The following SLC2A13 variants were observed in gnomAD, a reference collection of about 807,000 sequenced individuals.
SLC2A13 encodes the protein solute carrier family 2 member 13.
A neutral mutation model predicts 64.4 loss-of-function variants in SLC2A13; 32 were observed. The ratio of observed to expected loss-of-function variants is 0.50; its 90% CI spans 0.37 to 0.67. SLC2A13 has a LOEUF of 0.67. Ranked by LOEUF, SLC2A13 falls within the 30% of genes least tolerant of loss-of-function variation. The pLI is 0.00. For synonymous variants in SLC2A13, 338 were observed against 327.1 expected (o/e 1.03, Z -0.36); for missense variants, 743 against 829.2 (o/e 0.90, Z 1.28).
At chr12:39,980,700 C>T (rs1227446449) in intron 3 of SLC2A13, among the ~76,000 whole-genome samples, 6 of 151,950 alleles carry the variant, frequency 3.9e-5, no homozygotes, top group Admixed American at 1.3e-4. Context: ...TACAAAGAGA[C>T]TTAGACTCCC....
At chr12:40,011,972 T>C (rs1947539450) in intron 3 of SLC2A13, among the ~76,000 whole-genome samples, 1 of 152,126 alleles carries the variant, frequency 6.6e-6, no homozygotes, top group African/African-American at 2.4e-5. Context: ...CACCTAGTGA[T>C]AGGCAGAGCA....
At chr12:39,882,178 C>T (rs1944355253) in intron 4 of SLC2A13, among the ~76,000 whole-genome samples, 1 of 152,106 alleles carries the variant, frequency 6.6e-6, no homozygotes, top group Non-Finnish European at 1.5e-5. Context: ...CTCTATATTT[C>T]CCAAACCAGA....
chr12:39,908,600 G>A (rs1945352710), intron 4 of SLC2A13, among the ~76,000 whole-genome samples: 1 of 151,906 alleles, frequency 6.6e-6, no homozygotes, highest in Non-Finnish European at 1.5e-5. Context: ...ATGTGGCTGA[G>A]GAGGATGAGG....
chr12:39,895,657 CAT>C lies in SLC2A13; in HGVS notation c.1035-23698_1035-23697del, dbSNP rs368022633. 4.8e-3 allele frequency among the ~76,000 whole-genome samples: 327 copies of C among 68,136 alleles called. 33 individuals carry two copies. Among genetic ancestry groups the C allele is most frequent in the African/African-American group, 0.016 (287 of 17,624 alleles). The allele number at this position is 68,136 out of a possible 152,430, so 44.7% of individuals were successfully genotyped here. On this transcript the variant is annotated intron_variant, in intron 4 of 9. Transcript: ENST00000280871. ...ATGTATATGCGTGTATACGTACACA[CAT>C]ATGTATATGCGTGTATACGTACACA...
chr12:39,879,935 T>A (rs1944298255), intron 4 of SLC2A13, among the ~76,000 whole-genome samples: 1 of 152,140 alleles, frequency 6.6e-6, no homozygotes, highest in African/African-American at 2.4e-5. Context: ...TGAGGCCTGG[T>A]GGGTGTGTTT....
At chr12:39,959,580 T>G (rs1056303178) in intron 3 of SLC2A13, among the ~76,000 whole-genome samples, 4 of 152,222 alleles carry the variant, frequency 2.6e-5, no homozygotes, top group African/African-American at 9.6e-5. Context: ...TCTGTTACTA[T>G]CAAGAATTCT....
chr12:39,902,819 G>A (rs1300278864), intron 4 of SLC2A13, among the ~76,000 whole-genome samples: 1 of 152,070 alleles, frequency 6.6e-6, no homozygotes, highest in Non-Finnish European at 1.5e-5. Context: ...AATGAGGTGA[G>A]TGGCATAGCA....
chr12:39,859,331 CTGA>C (rs1943694056), intron 6 of SLC2A13, among the ~76,000 whole-genome samples: 1 of 36,422 alleles, frequency 2.7e-5, no homozygotes, highest in African/African-American at 1.3e-4. Flanking sequence ...TTTTTTTTTT[CTGA>C]AAAAAAAAAA....
At chr12:39,772,601 G>A (rs1444030153) in intron 7 of SLC2A13, among the ~76,000 whole-genome samples, 1 of 151,578 alleles carries the variant, frequency 6.6e-6, no homozygotes, top group African/African-American at 2.4e-5. Context: ...AAATAGGAAA[G>A]GAAAGAAAAA....
At chr12:40,081,087 A>G (rs1199726997) in intron 1 of SLC2A13, among the ~76,000 whole-genome samples, 1 of 152,072 alleles carries the variant, frequency 6.6e-6, no homozygotes, top group African/African-American at 2.4e-5. Context: ...GCCTAATGAG[A>G]TTCTCTTTGT....
At chr12:40,076,950 G>A (rs1261724928) in intron 1 of SLC2A13, among the ~76,000 whole-genome samples, 1 of 151,978 alleles carries the variant, frequency 6.6e-6, no homozygotes, top group African/African-American at 2.4e-5. Context: ...TGTTGGCTGT[G>A]TGTGTCTTCT....
At chr12:39,784,148 C>T (rs1356033514) in intron 7 of SLC2A13, among the ~76,000 whole-genome samples, 4 of 152,122 alleles carry the variant, frequency 2.6e-5, no homozygotes, top group Non-Finnish European at 4.4e-5. Context: ...GGCTATACTG[C>T]CCAAGGTAAT....
chr12:39,994,922 G>C (rs1450584643), intron 3 of SLC2A13, among the ~76,000 whole-genome samples: 3 of 152,160 alleles, frequency 2.0e-5, no homozygotes, highest in Non-Finnish European at 4.4e-5. Flanking sequence ...CAGTGAACAG[G>C]CATATCAACA....
At chr12:39,961,201 C>T (rs1039897322) in intron 3 of SLC2A13, among the ~76,000 whole-genome samples, 1 of 151,996 alleles carries the variant, frequency 6.6e-6, no homozygotes, top group African/African-American at 2.4e-5. Context: ...CCTCAGCCTC[C>T]CAACTAGCTG....
intron 3 of SLC2A13, among the ~76,000 whole-genome samples, chr12:40,009,039 G>T (rs1397813149): frequency 3.3e-5 from 5 of 152,158 alleles, no homozygotes; most frequent in Non-Finnish European, 7.4e-5. Flanking sequence ...CAACTTGAAA[G>T]AAAGCAAACA....
chr12:39,971,997 A>AAATATATATATATATATATATATATAT (rs1375405006), intron 3 of SLC2A13, among the ~76,000 whole-genome samples: 9 of 77,330 alleles, frequency 1.2e-4, no homozygotes, highest in East Asian at 6.4e-4. Flanking sequence ...AAAAAAAAAA[A>AAATATATATATATATATATATATATAT]ATATATATAT....
chr12:39,970,535 C>G (rs1946628480), intron 3 of SLC2A13, among the ~76,000 whole-genome samples: 1 of 152,104 alleles, frequency 6.6e-6, no homozygotes, highest in South Asian at 2.1e-4. Context: ...TGTTTCATTT[C>G]AGCAACCTTT....
intron 9 of SLC2A13, among the ~76,000 whole-genome samples, chr12:39,761,958 G>A (rs1219115057): frequency 6.6e-6 from 1 of 152,040 alleles, no homozygotes; most frequent in Non-Finnish European, 1.5e-5. Flanking sequence ...CACTCCTATA[G>A]TTAAAAAACA....
At chr12:39,962,294 T>C (rs1323060861) in intron 3 of SLC2A13, among the ~76,000 whole-genome samples, 1 of 152,198 alleles carries the variant, frequency 6.6e-6, no homozygotes, top group East Asian at 1.9e-4. Context: ...TTTCACCATG[T>C]TGGCCAGGCT....
Sources: allele counts gnomAD v4.1 joint callset (sites outside exome capture counted in the v4.1 genomes callset), GRCh38; gene constraint gnomAD v4.1.1; transcripts MANE v1.5; gene names NCBI Gene and HGNC (gene_info 2026-07-23, HGNC 2026-07-21).